Variants in AP3S1 observed in about 807,000 individuals in gnomAD.
AP3S1 encodes the protein AP-3 complex subunit sigma-1.
A neutral mutation model predicts 21.3 loss-of-function variants in AP3S1; 12 were observed. The ratio of observed to expected loss-of-function variants is 0.56; its 90% confidence interval spans 0.36 to 0.91. The LOEUF (loss-of-function observed/expected upper bound fraction) is 0.91, where lower values mean the gene tolerates loss of function less well. Ranked by LOEUF, AP3S1 falls within the 40% of genes least tolerant of loss-of-function variation. The pLI is 0.01. For missense variants in AP3S1, 116 were observed against 225.0 expected (o/e 0.52, Z 3.10); for synonymous variants, 48 against 78.4 (o/e 0.61, Z 2.05).
At chr5:115,856,063 A>G (rs1762778647) in intron 1 of AP3S1, among the ~76,000 whole-genome samples, 1 of 152,168 alleles carries the variant, frequency 6.6e-6, no homozygotes, top group Non-Finnish European at 1.5e-5. Flanking sequence ...GCCCTTTTGT[A>G]ACTGTAGTTG....
intron 3 of AP3S1, among the ~76,000 whole-genome samples, chr5:115,871,482 C>T (rs144516761): frequency 6.6e-6 from 1 of 152,230 alleles, no homozygotes; most frequent in Non-Finnish European, 1.5e-5. Flanking sequence ...AAACTGTAAC[C>T]CCTCCATAAT....
At chr5:115,885,816 A>G (rs1324994296) in intron 3 of AP3S1, among the ~76,000 whole-genome samples, 2 of 152,248 alleles carry the variant, frequency 1.3e-5, no homozygotes, top group Non-Finnish European at 2.9e-5. Context: ...TGGATGAAAT[A>G]CTTTAAAGAA....
At chr5:115,868,560 TAA>T (rs1211828776) in intron 2 of AP3S1, among the ~76,000 whole-genome samples, 1 of 152,108 alleles carries the variant, frequency 6.6e-6, no homozygotes, top group Non-Finnish European at 1.5e-5. Flanking sequence ...ACAGAACTTA[TAA>T]GTTTAGTATT....
intron 3 of AP3S1, among the ~76,000 whole-genome samples, chr5:115,884,232 T>A (rs1749564589): frequency 6.6e-6 from 1 of 152,230 alleles, no homozygotes; most frequent in South Asian, 2.1e-4. Flanking sequence ...AATTTTTAAA[T>A]ATCTCTTAAT....
intron 5 of AP3S1, chr5:115,908,994 T>A (rs1751883408): frequency 1.0e-6 from 1 of 984,712 alleles, no homozygotes; most frequent in African/African-American, 1.7e-5. Context: ...AAATTATGAA[T>A]GTGCATATAG....
chr5:115,859,118 T>C (rs550604691), intron 1 of AP3S1, among the ~76,000 whole-genome samples: 1 of 152,274 alleles, frequency 6.6e-6, no homozygotes, highest in South Asian at 2.1e-4. Flanking sequence ...TACTGAAAGC[T>C]GATTGGAAGC....
In AP3S1 at chr5:115,902,888, C is replaced by T. The variant is rs1751331702; in HGVS notation, c.349C>T (p.His117Tyr). 6.2e-7 allele frequency: 1 copy of T among 1,611,440 alleles called. No homozygotes were observed. The highest frequency in any genetic ancestry group is 1.7e-5 in the Admixed American group (1 of 59,822). The part of the protein sequence containing the change: ...LDLIFHVDKV[H>Y]NILAEMVMGG... ...TATATTCTTTTATTCCCTTTAGGTT[C>T]ACAATATTCTTGCAGAAATGGTGAT... Residue 117 changes from histidine (H) to tyrosine (Y), a missense_variant, in exon 5 of 6, where the codon CAC becomes TAC. Physicochemically the swap from His to Tyr is moderately conservative, Grantham distance 83. Coordinates refer to ENST00000316788, the MANE Select transcript of AP3S1 (RefSeq NM_001284.4).
At chr5:115,858,004 C>T (rs536058687) in intron 1 of AP3S1, among the ~76,000 whole-genome samples, 6 of 152,178 alleles carry the variant, frequency 3.9e-5, no homozygotes, top group Non-Finnish European at 7.4e-5. Context: ...TCATACACAT[C>T]TTTTCTCAGT....
intron 3 of AP3S1, among the ~76,000 whole-genome samples, chr5:115,894,098 A>T (rs1421544484): frequency 6.6e-6 from 1 of 152,218 alleles, no homozygotes; most frequent in African/African-American, 2.4e-5. Flanking sequence ...GGTTTATTAT[A>T]GTGAAAGGAT....
chr5:115,856,067 G>A (rs2112795609), intron 1 of AP3S1, among the ~76,000 whole-genome samples: 1 of 152,230 alleles, frequency 6.6e-6, no homozygotes. Context: ...TTTTGTAACT[G>A]TAGTTGTCTT....
intron 4 of AP3S1, among the ~76,000 whole-genome samples, chr5:115,896,384 T>C (rs1381623697): frequency 2.6e-5 from 4 of 152,224 alleles, no homozygotes; most frequent in Admixed American, 6.5e-5. Context: ...TGAGTCTGTT[T>C]TTAATGTTCT....
chr5:115,906,937 G>A (rs1217780409), intron 5 of AP3S1: 3 of 1,404,276 alleles, frequency 2.1e-6, no homozygotes, highest in Non-Finnish European at 2.8e-6. Flanking sequence ...AATTATTTAG[G>A]CCAGACTCAA....
intron 5 of AP3S1, among the ~76,000 whole-genome samples, chr5:115,910,027 G>A (rs982089009): frequency 3.3e-4 from 50 of 152,286 alleles, no homozygotes; most frequent in African/African-American, 1.2e-3. Flanking sequence ...ACTTTGAGGG[G>A]CCAAGGCAGA....
At chr5:115,880,526 A>G (rs758609864) in intron 3 of AP3S1, among the ~76,000 whole-genome samples, 2 of 152,180 alleles carry the variant, frequency 1.3e-5, no homozygotes, top group Non-Finnish European at 2.9e-5. Context: ...GAGTTTCTTA[A>G]TCCTGAGTTC....
chr5:115,893,175 G>T (rs1750464128), intron 3 of AP3S1, among the ~76,000 whole-genome samples: 1 of 152,094 alleles, frequency 6.6e-6, no homozygotes, highest in African/African-American at 2.4e-5. Flanking sequence ...TAACACCACA[G>T]TAACTCCCAT....
At chr5:115,852,899 C>T in intron 1 of AP3S1, 1 of 368,940 alleles carries the variant, frequency 2.7e-6, no homozygotes, top group South Asian at 2.1e-5. Context: ...GTTGTTTCCA[C>T]TTTTTGGTTA....
intron 3 of AP3S1, among the ~76,000 whole-genome samples, chr5:115,891,550 C>T (rs1375855907): frequency 6.6e-6 from 1 of 152,126 alleles, no homozygotes; most frequent in East Asian, 1.9e-4. Context: ...CAGGGGAACA[C>T]ATTTACCCAC....
At chr5:115,852,721 C>T (rs1428717744) in intron 1 of AP3S1, among the ~76,000 whole-genome samples, 1 of 152,098 alleles carries the variant, frequency 6.6e-6, no homozygotes, top group African/African-American at 2.4e-5. Flanking sequence ...TGAAATATTA[C>T]AGTCTTGTGA....
chr5:115,881,592 C>G lies in AP3S1; in HGVS notation c.273+11464C>G, dbSNP rs565616235. Among the ~76,000 whole-genome samples the G allele has an allele frequency of 3.8e-3, 585 of 152,252 alleles. 1 individual carries two copies. Among genetic ancestry groups the G allele is most frequent in the Non-Finnish European group, 6.4e-3 (438 of 68,018 alleles). On this transcript the variant is annotated intron_variant, in intron 3 of 5. Transcript: ENST00000316788. ...ATCTGCTGTTAGTCTGATGGGCTTC[C>G]CTTTGTGGGTAACCCAACCTTTCTC...
Sources: allele counts gnomAD v4.1 joint callset (sites outside exome capture counted in the v4.1 genomes callset), GRCh38; gene constraint gnomAD v4.1.1; transcripts MANE v1.5; gene names NCBI Gene and HGNC (gene_info 2026-07-23, HGNC 2026-07-21).